The following BBS9 variants were observed in gnomAD, a reference collection of about 807,000 sequenced individuals.
BBS9 encodes Bardet-Biedl syndrome 9.
Under a neutral mutation model 117.7 loss-of-function variants are expected in BBS9, and 89 were observed. That is an observed-to-expected ratio of 0.76 (90% CI 0.64 to 0.90). BBS9 has a LOEUF of 0.90. BBS9 is among the 40% of genes least tolerant of loss of function. The pLI, the probability that BBS9 is intolerant of heterozygous loss-of-function variation, is 0.00. For missense variants in BBS9, 982 were observed against 1,042.2 expected, an observed-to-expected ratio of 0.94 and a Z score of 0.80; for synonymous variants, 379 against 370.9, an observed-to-expected ratio of 1.02 and a Z score of -0.25.
intron 21 of BBS9, among the ~76,000 whole-genome samples, chr7:33,562,279 T>TA (rs754645749): frequency 1.7e-4 from 26 of 152,340 alleles, no homozygotes; most frequent in Admixed American, 6.5e-4. Flanking sequence ...AACAAAGTGA[T>TA]AAAAAACATA....
chr7:33,248,247 A>G (rs981362997), intron 5 of BBS9, among the ~76,000 whole-genome samples: 3 of 152,160 alleles, frequency 2.0e-5, no homozygotes, highest in Non-Finnish European at 4.4e-5. Context: ...CAACATATGC[A>G]TTCTATTTAT....
intron 21 of BBS9, among the ~76,000 whole-genome samples, chr7:33,618,121 C>T (rs974377283): frequency 3.1e-4 from 47 of 152,202 alleles, no homozygotes; most frequent in African/African-American, 1.1e-3. Context: ...AGGATGATTG[C>T]CTTAGGCCAG....
chr7:33,307,394 C>A (rs748138485), intron 9 of BBS9, among the ~76,000 whole-genome samples: 5 of 151,954 alleles, frequency 3.3e-5, no homozygotes, highest in Admixed American at 6.6e-5. Flanking sequence ...TATCATAAAC[C>A]ATCTAGAATT....
intron 9 of BBS9, among the ~76,000 whole-genome samples, chr7:33,310,551 T>A (rs188058718): frequency 1.4e-3 from 207 of 152,262 alleles, no homozygotes; most frequent in African/African-American, 4.8e-3. Context: ...CTGTTAATAA[T>A]TTTACCAGGA....
At chr7:33,315,965 T>C (rs1271245085) in intron 9 of BBS9, among the ~76,000 whole-genome samples, 1 of 152,172 alleles carries the variant, frequency 6.6e-6, no homozygotes, top group African/African-American at 2.4e-5. Flanking sequence ...TGGCTTTTTG[T>C]AAGGTAAAAT....
chr7:33,420,875 G>A (rs1208831830), intron 19 of BBS9, among the ~76,000 whole-genome samples: 2 of 152,166 alleles, frequency 1.3e-5, no homozygotes, highest in Non-Finnish European at 2.9e-5. Context: ...CCAAGACATT[G>A]CTAAGGTGAA....
intron 9 of BBS9, among the ~76,000 whole-genome samples, chr7:33,285,582 AG>A (rs1275191177): frequency 6.6e-6 from 1 of 152,138 alleles, no homozygotes; most frequent in Non-Finnish European, 1.5e-5. Context: ...GTCAGATAAA[AG>A]GTCTTTATGA....
At chr7:33,405,126 T>C (rs1370168719) in intron 19 of BBS9, among the ~76,000 whole-genome samples, 1 of 152,248 alleles carries the variant, frequency 6.6e-6, no homozygotes, top group Non-Finnish European at 1.5e-5. Context: ...TCTTTGGTTC[T>C]GTTTGTATGC....
chr7:33,496,545 A>G (rs1844744094), intron 19 of BBS9, among the ~76,000 whole-genome samples: 1 of 152,146 alleles, frequency 6.6e-6, no homozygotes, highest in African/African-American at 2.4e-5. Flanking sequence ...TTTGGTTTAC[A>G]AATTTAAGCT....
intron 20 of BBS9, among the ~76,000 whole-genome samples, chr7:33,514,964 G>A (rs1416793818): frequency 6.6e-6 from 1 of 152,110 alleles, no homozygotes; most frequent in Non-Finnish European, 1.5e-5. Context: ...TACATCTTAA[G>A]GCTTTGTAAG....
At chr7:33,147,273 T>TAGAC (rs1792564579) in intron 2 of BBS9, among the ~76,000 whole-genome samples, 1 of 108,226 alleles carries the variant, frequency 9.2e-6, no homozygotes, top group Admixed American at 9.7e-5. Flanking sequence ...TTTTGTGATC[T>TAGAC]AGTCATTACC....
chr7:33,367,656 A>G, intron 16 of BBS9, 111 bp from the exon 17 acceptor site: 2 of 825,784 alleles, frequency 2.4e-6, no homozygotes, highest in Non-Finnish European at 4.2e-6. Context: ...CATGGAGTTT[A>G]TACATGACTA....
chr7:33,537,519 G>C (rs1223709075), intron 21 of BBS9, among the ~76,000 whole-genome samples: 1 of 152,130 alleles, frequency 6.6e-6, no homozygotes, highest in African/African-American at 2.4e-5. Flanking sequence ...CTTTCTGCTG[G>C]TGAATATAGC....
intron 19 of BBS9, chr7:33,390,368 G>T: frequency 1.0e-6 from 1 of 985,292 alleles, no homozygotes; most frequent in Non-Finnish European, 1.2e-6. Context: ...TTTCTGCTTA[G>T]CCTCAAGGTT....
intron 19 of BBS9, among the ~76,000 whole-genome samples, chr7:33,467,034 A>G (rs911564841): frequency 9.2e-5 from 3 of 32,616 alleles, no homozygotes; most frequent in South Asian, 1.1e-3. Context: ...TCTCTCTCTT[A>G]TGACAACCAA....
chr7:33,445,554 G>A (rs1836863821), intron 19 of BBS9, among the ~76,000 whole-genome samples: 1 of 152,202 alleles, frequency 6.6e-6, no homozygotes, highest in Admixed American at 6.5e-5. Flanking sequence ...TAAAAAGTTT[G>A]TGTTGTCCTC....
At chr7:33,304,188 G>A (rs1807284669) in intron 9 of BBS9, among the ~76,000 whole-genome samples, 1 of 138,520 alleles carries the variant, frequency 7.2e-6, no homozygotes, top group Non-Finnish European at 1.5e-5. Context: ...GAGCGTTTCT[G>A]CCTGGCTGCC....
At position 33,471,716 on chromosome 7, in the gene BBS9, A is replaced by C. The variant is rs4098926; in HGVS notation, c.2116-33747A>C. 2.7e-3 allele frequency among the ~76,000 whole-genome samples: 404 copies of C among 152,342 alleles called. 2 individuals are homozygous for C. Among genetic ancestry groups the C allele is most frequent in the African/African-American group, 9.2e-3 (384 of 41,584 alleles). On this transcript the variant is annotated intron_variant, in intron 19 of 22. Coordinates refer to ENST00000242067, the MANE Select transcript of BBS9 (RefSeq NM_198428.3). ...CTGGAGACTGTGCCCAGGGACAGTA[A>C]ATCAGAGGCAGCTGGGCAACAGAGG...
At position 33,242,492 on chromosome 7, in the gene BBS9, A is replaced by G. The variant is rs1191003151; in HGVS notation, c.443-14744A>G. On this transcript the variant is annotated intron_variant, in intron 5 of 22. Coordinates refer to ENST00000242067, the MANE Select transcript of BBS9 (RefSeq NM_198428.3). ...ATGCCCAACAGCTCTTTTTACCTTT[A>G]TGGGGTTCACACTTTTACTTAGTTT... Among the ~76,000 whole-genome samples the G allele has an allele frequency of 7.2e-5, 11 of 152,178 alleles. No homozygotes were observed. The South Asian group carries it at 2.1e-3, about 29-fold the overall frequency.
Sources: allele counts gnomAD v4.1 joint callset (sites outside exome capture counted in the v4.1 genomes callset), GRCh38; gene constraint gnomAD v4.1.1; transcripts MANE v1.5; gene names NCBI Gene and HGNC (gene_info 2026-07-23, HGNC 2026-07-21).